Variants in NAALADL2 observed in about 807,000 individuals in gnomAD.
The protein encoded by NAALADL2 is N-acetylated alpha-linked acidic dipeptidase like 2.
Under a neutral mutation model 87.2 loss-of-function variants are expected in NAALADL2, and 76 were observed. The observed-to-expected ratio is 0.87, with a 90% confidence interval of 0.72 to 1.05. NAALADL2 has a LOEUF of 1.05. Among genes scored for constraint, NAALADL2 ranks in the 50% least tolerant of loss-of-function variants. NAALADL2 has a pLI of 0.00. For missense variants in NAALADL2, 1,089 were observed against 945.8 expected, an observed-to-expected ratio of 1.15 and a Z score of -1.99; for synonymous variants, 354 against 331.0, an observed-to-expected ratio of 1.07 and a Z score of -0.75.
intron 4 of NAALADL2, among the ~76,000 whole-genome samples, chr3:175,304,487 A>G (rs1757459776): frequency 2.6e-5 from 4 of 152,202 alleles, no homozygotes; most frequent in Non-Finnish European, 5.9e-5. Flanking sequence ...ACAAAATGAC[A>G]CATGCCTGTA....
At chr3:174,758,226 T>C (rs1473857232) in intron 3 of NAALADL2, among the ~76,000 whole-genome samples, 1 of 152,230 alleles carries the variant, frequency 6.6e-6, no homozygotes, top group Non-Finnish European at 1.5e-5. Context: ...ATTTTCTTTC[T>C]TTCTAGGTAA....
intron 3 of NAALADL2, among the ~76,000 whole-genome samples, chr3:174,833,941 C>G (rs1429289552): frequency 6.7e-6 from 1 of 150,226 alleles, no homozygotes; most frequent in Non-Finnish European, 1.5e-5. Context: ...CTAGAGTAAA[C>G]ATCATACCTA....
chr3:175,366,863 A>G (rs1044135926), intron 5 of NAALADL2, among the ~76,000 whole-genome samples: 1 of 151,828 alleles, frequency 6.6e-6, no homozygotes, highest in African/African-American at 2.4e-5. Flanking sequence ...CTTTAGTATA[A>G]TTAGATCCCA....
intron 11 of NAALADL2, among the ~76,000 whole-genome samples, chr3:175,680,241 A>T (rs528469476): frequency 6.6e-6 from 1 of 152,318 alleles, no homozygotes; most frequent in African/African-American, 2.4e-5. Context: ...GGTGATTTTG[A>T]CTGCATAGGA....
chr3:175,137,028 A>G (rs575469957), intron 2 of NAALADL2, among the ~76,000 whole-genome samples: 1 of 152,186 alleles, frequency 6.6e-6, no homozygotes, highest in South Asian at 2.1e-4. Flanking sequence ...TGGGAACTTA[A>G]TGATGGAATT....
chr3:175,383,625 G>A (rs753306651), intron 5 of NAALADL2, among the ~76,000 whole-genome samples: 2 of 151,586 alleles, frequency 1.3e-5, no homozygotes, highest in Admixed American at 6.6e-5. Context: ...TCTTTTTAAT[G>A]TGTTTCTTGC....
chr3:174,805,853 G>A (rs1719408685), intron 3 of NAALADL2, among the ~76,000 whole-genome samples: 1 of 151,826 alleles, frequency 6.6e-6, no homozygotes, highest in African/African-American at 2.4e-5. Context: ...CATTTTATGT[G>A]TAAGTACATT....
intron 13 of NAALADL2, among the ~76,000 whole-genome samples, chr3:175,789,365 T>C (rs1752505803): frequency 6.6e-6 from 1 of 152,214 alleles, no homozygotes; most frequent in Admixed American, 6.5e-5. Flanking sequence ...GTCTTCTCTG[T>C]GTTAAAAGTA....
chr3:175,390,888 A>G (rs946714057), intron 5 of NAALADL2, among the ~76,000 whole-genome samples: 6 of 152,150 alleles, frequency 3.9e-5, no homozygotes, highest in South Asian at 2.1e-4. Context: ...GTACACTTCA[A>G]TCTGCACCTG....
At chr3:175,074,993 A>C (rs996243659) in intron 1 of NAALADL2, among the ~76,000 whole-genome samples, 6 of 152,116 alleles carry the variant, frequency 3.9e-5, no homozygotes, top group African/African-American at 1.4e-4. Context: ...TGTTAGAGAG[A>C]TACGTAAGCA....
At chr3:175,584,101 G>T (rs1021258181) in intron 10 of NAALADL2, among the ~76,000 whole-genome samples, 1 of 150,668 alleles carries the variant, frequency 6.6e-6, no homozygotes, top group African/African-American at 2.5e-5. Context: ...GCATTGGTGC[G>T]ATCTCAGCTC....
At chr3:174,839,202 C>T (rs1438826863) in intron 3 of NAALADL2, among the ~76,000 whole-genome samples, 2 of 152,068 alleles carry the variant, frequency 1.3e-5, no homozygotes, top group African/African-American at 4.8e-5. Flanking sequence ...TACTTACAGC[C>T]AACTGATCTT....
intron 11 of NAALADL2, among the ~76,000 whole-genome samples, chr3:175,636,060 C>A (rs1233939875): frequency 6.6e-6 from 1 of 152,060 alleles, no homozygotes; most frequent in African/African-American, 2.4e-5. Context: ...GCCCCATGGA[C>A]AACTATAATA....
chr3:175,325,668 T>G (rs1349884580), intron 5 of NAALADL2, among the ~76,000 whole-genome samples: 1 of 152,216 alleles, frequency 6.6e-6, no homozygotes, highest in Non-Finnish European at 1.5e-5. Flanking sequence ...GTTGGCACCA[T>G]TACTCAACAT....
At chr3:175,702,482 TA>T (rs1739130106) in intron 11 of NAALADL2, among the ~76,000 whole-genome samples, 1 of 151,840 alleles carries the variant, frequency 6.6e-6, no homozygotes, top group South Asian at 2.1e-4. Flanking sequence ...AAAAAAAAAC[TA>T]AAAAAGAATC....
intron 1 of NAALADL2, among the ~76,000 whole-genome samples, chr3:174,881,765 T>TA (rs1393483784): frequency 1.3e-5 from 2 of 152,146 alleles, no homozygotes; most frequent in African/African-American, 4.8e-5. Flanking sequence ...AGCATCTTCT[T>TA]ATGCTGCTCA....
chr3:175,076,135 C>A (rs1716546554), intron 1 of NAALADL2, among the ~76,000 whole-genome samples: 1 of 151,900 alleles, frequency 6.6e-6, no homozygotes, highest in African/African-American at 2.4e-5. Flanking sequence ...AGCTGAGGCA[C>A]TAGAATAGAT....
intron 9 of NAALADL2, among the ~76,000 whole-genome samples, chr3:175,511,033 A>G (rs2149394187): frequency 6.6e-6 from 1 of 152,320 alleles, no homozygotes; most frequent in Admixed American, 6.5e-5. Context: ...ATCTCTCTCA[A>G]CAATTAATTT....
chr3:175,367,535 T>C (rs980287433), intron 5 of NAALADL2, among the ~76,000 whole-genome samples: 9 of 152,310 alleles, frequency 5.9e-5, no homozygotes, highest in African/African-American at 2.2e-4. Flanking sequence ...TTTATTTCCT[T>C]GAGCAGTGGT....
Sources: gnomAD v4.1 joint callset for allele counts (sites outside exome capture counted in the v4.1 genomes callset) on GRCh38, gnomAD v4.1.1 for gene constraint, MANE v1.5 for transcripts, NCBI Gene and HGNC (gene_info 2026-07-23, HGNC 2026-07-21) for gene names.